The following CXCL13 variants were observed in gnomAD, a reference collection of about 807,000 sequenced individuals.
CXCL13 encodes the protein C-X-C motif chemokine 13.
In CXCL13, 7 loss-of-function variants were observed where a neutral mutation model predicts 12.2. The observed-to-expected ratio is 0.57, with a 90% confidence interval of 0.33 to 1.07. The LOEUF (loss-of-function observed/expected upper bound fraction) is 1.07, where lower values mean the gene tolerates loss of function less well. Ranked by LOEUF, CXCL13 falls within the 50% of genes least tolerant of loss-of-function variation. The pLI, the probability that CXCL13 is intolerant of heterozygous loss-of-function variation, is 0.04. For missense variants in CXCL13, 113 were observed against 127.4 expected (o/e 0.89, Z 0.55); for synonymous variants, 47 against 42.4 (o/e 1.11, Z -0.42).
intron 1 of CXCL13, among the ~76,000 whole-genome samples, chr4:77,515,160 A>G (rs1398277279): frequency 2.0e-5 from 3 of 152,186 alleles, no homozygotes; most frequent in East Asian, 1.9e-4. Context: ...TGTTCCATTG[A>G]TCTATATCTC....
intron 1 of CXCL13, among the ~76,000 whole-genome samples, chr4:77,517,929 T>G (rs1724471440): frequency 6.6e-6 from 1 of 152,240 alleles, no homozygotes; most frequent in Admixed American, 6.5e-5. Context: ...TTGGCATGAT[T>G]TTGCAGCGGC....
chr4:77,584,947 A>G (rs554788371), intron 1 of CXCL13, among the ~76,000 whole-genome samples: 17 of 152,280 alleles, frequency 1.1e-4, no homozygotes, highest in African/African-American at 4.1e-4. Flanking sequence ...TATGACTTAC[A>G]CTTGTCTAGA....
intron 1 of CXCL13, among the ~76,000 whole-genome samples, chr4:77,559,590 C>CGTGTGT (rs376338194): frequency 1.0e-4 from 15 of 148,630 alleles, no homozygotes; most frequent in African/African-American, 3.2e-4. Flanking sequence ...CTAAATATGC[C>CGTGTGT]GTGTGTGTGT....
intron 1 of CXCL13, among the ~76,000 whole-genome samples, chr4:77,569,549 C>A (rs920800189): frequency 6.6e-6 from 1 of 152,072 alleles, no homozygotes; most frequent in Non-Finnish European, 1.5e-5. Flanking sequence ...CACACAGTAC[C>A]TAGGAATACA....
At chr4:77,543,577 G>T (rs190247559) in intron 1 of CXCL13, among the ~76,000 whole-genome samples, 6 of 152,078 alleles carry the variant, frequency 3.9e-5, no homozygotes, top group East Asian at 3.9e-4. Flanking sequence ...TTATTTCAGA[G>T]AATTTTTGAA....
chr4:77,595,120 A>G (rs1726717921), intron 1 of CXCL13, among the ~76,000 whole-genome samples: 1 of 145,694 alleles, frequency 6.9e-6, no homozygotes. Context: ...TTTTTTTACC[A>G]GTGACACAAA....
intron 1 of CXCL13, among the ~76,000 whole-genome samples, chr4:77,594,400 A>G (rs1369879533): frequency 6.6e-6 from 1 of 152,156 alleles, no homozygotes; most frequent in African/African-American, 2.4e-5. Context: ...CTCCTCTACA[A>G]ACAGGGACAA....
At chr4:77,610,797 C>A in intron 3 of CXCL13, 103 bp downstream of exon 3, 1 of 980,636 alleles carries the variant, frequency 1.0e-6, no homozygotes. Context: ...ATGAGAAGTT[C>A]CTAAGACAAA....
intron 1 of CXCL13, among the ~76,000 whole-genome samples, chr4:77,521,917 T>C (rs1724611035): frequency 6.6e-6 from 1 of 152,212 alleles, no homozygotes. Context: ...TTTGTCTTTG[T>C]TCTTATGGTT....
chr4:77,533,568 C>G (rs910795315), intron 1 of CXCL13, among the ~76,000 whole-genome samples: 13 of 152,196 alleles, frequency 8.5e-5, no homozygotes, highest in African/African-American at 3.1e-4. Flanking sequence ...GGCTATCAGA[C>G]AGGGACATTT....
intron 1 of CXCL13, among the ~76,000 whole-genome samples, chr4:77,523,194 T>G (rs1724660271): frequency 6.6e-6 from 1 of 152,198 alleles, no homozygotes; most frequent in Admixed American, 6.5e-5. Context: ...GTCTTGGGGT[T>G]GCTTTTCTCA....
intron 1 of CXCL13, among the ~76,000 whole-genome samples, chr4:77,566,080 A>T (rs1045891287): frequency 3.9e-5 from 6 of 152,158 alleles, no homozygotes; most frequent in Non-Finnish European, 5.9e-5. Context: ...GATTCAGATG[A>T]TCCTCTGTAT....
At chr4:77,529,250 T>A (rs1246337924) in intron 1 of CXCL13, among the ~76,000 whole-genome samples, 3 of 152,198 alleles carry the variant, frequency 2.0e-5, no homozygotes, top group Non-Finnish European at 4.4e-5. Flanking sequence ...TAGGATTGAC[T>A]TGGCAATGCA....
At chr4:77,527,333 G>T (rs186538153) in intron 1 of CXCL13, among the ~76,000 whole-genome samples, 252 of 152,274 alleles carry the variant, frequency 1.7e-3, no homozygotes, top group Non-Finnish European at 2.5e-3. Context: ...AAACAGTTTT[G>T]CAGTTTCTTA....
Position 77,611,776 on chromosome 4 carries a change from T to C in CXCL13, c.*737T>C. 1 of 398,966 alleles carries C rather than the reference T, an allele frequency of 2.5e-6. No homozygotes were observed. The highest frequency in any genetic ancestry group is 3.6e-5 in the East Asian group (1 of 28,084). The allele number at this position is 398,966 out of a possible 1,614,324, so 24.7% of individuals were successfully genotyped here. A position where few individuals can be genotyped will look rare whatever the true frequency, so the allele number is the denominator to read the frequency against. On this transcript the variant is annotated 3_prime_UTR_variant, in exon 4 of 4. Transcript: ENST00000682537. ...CCGGGGGGACTCTGGTATCTAATTC[T>C]TTAATGATTCCTATAAATCTAATGA...
chr4:77,593,484 C>G lies in CXCL13; in HGVS notation c.-42-12340C>G, dbSNP rs113653316. On this transcript the variant is annotated intron_variant, in intron 1 of 4. Coordinates refer to the CXCL13 transcript ENST00000286758. The stretch of plus-strand genomic sequence containing the variant: ...GGCCTTCCAAAGCAAAGCTGGTCAA[C>G]TCATGTGGCTTTGAGGAAGTCGACT... 6.4e-3 allele frequency among the ~76,000 whole-genome samples: 977 copies of G among 152,290 alleles called. 15 individuals are homozygous for G. Among genetic ancestry groups the G allele is most frequent in the African/African-American group, 0.021 (865 of 41,558 alleles).
rs1205879504 is a variant in CXCL13, at chr4:77,587,124, C to A, written c.-42-18700C>A. 2.0e-5 allele frequency among the ~76,000 whole-genome samples: 3 copies of A among 152,168 alleles called. No homozygotes were observed. The East Asian group carries it at 5.8e-4, about 29-fold the overall frequency. On this transcript the variant is annotated intron_variant, in intron 1 of 4. Coordinates refer to the CXCL13 transcript ENST00000286758. ...TCTGGCTATAATGCAGCCCAGACAT[C>A]CCTTGTCAACAAGTTAGTCAACAGT... is the stretch of plus-strand genomic sequence containing the variant.
At chr4:77,550,173 G>A (rs745438723) in intron 1 of CXCL13, among the ~76,000 whole-genome samples, 1 of 152,228 alleles carries the variant, frequency 6.6e-6, no homozygotes, top group African/African-American at 2.4e-5. Context: ...ATCTCCTAGT[G>A]TGCCACTTGC....
chr4:77,539,678 C>A (rs1430559832), intron 1 of CXCL13, among the ~76,000 whole-genome samples: 10 of 152,178 alleles, frequency 6.6e-5, no homozygotes, highest in Non-Finnish European at 4.4e-5. Context: ...TTGCTTGAAC[C>A]CGCTCACCCA....
Sources: gnomAD v4.1 joint callset for allele counts (sites outside exome capture counted in the v4.1 genomes callset) on GRCh38, gnomAD v4.1.1 for gene constraint, MANE v1.5 for transcripts, NCBI Gene and HGNC (gene_info 2026-07-23, HGNC 2026-07-21) for gene names.